Variants in TPTE2 observed in about 807,000 individuals in gnomAD.
The protein encoded by TPTE2 is transmembrane phosphoinositide 3-phosphatase and tensin homolog 2.
A neutral mutation model predicts 78.6 loss-of-function variants in TPTE2; 53 were observed. The observed-to-expected ratio is 0.67, with a 90% confidence interval of 0.54 to 0.85. The LOEUF (loss-of-function observed/expected upper bound fraction) is 0.85, where lower values mean the gene tolerates loss of function less well. Among genes scored for constraint, TPTE2 ranks in the 40% least tolerant of loss-of-function variants. The pLI, the probability that TPTE2 is intolerant of heterozygous loss-of-function variation, is 0.00. For synonymous variants in TPTE2, 175 were observed against 206.2 expected (o/e 0.85, Z 1.30); for missense variants, 461 against 623.0 (o/e 0.74, Z 2.77).
Position 19,493,317 on chromosome 13 carries a change from GTGGA to G in TPTE2, c.65+127_65+130del, listed in dbSNP as rs71092368. 6,230 of 656,980 alleles carry G rather than the reference GTGGA, an allele frequency of 9.5e-3. 58 individuals carry two copies. Among genetic ancestry groups the G allele is most frequent in the African/African-American group, 0.017 (952 of 56,516 alleles). The allele number at this position is 656,980 out of a possible 1,614,324, so 40.7% of individuals were successfully genotyped here. ...TTGTGTACGCGTGTTGAAGAGAAGT[GTGGA>G]TGGATGGATGGATGGATGGATGGAT... is the stretch of plus-strand genomic sequence containing the variant. On this transcript the variant is annotated intron_variant, in intron 2 of 19. Coordinates refer to ENST00000400230, the Ensembl canonical transcript of TPTE2.
intron 1 of TPTE2, among the ~76,000 whole-genome samples, chr13:19,499,369 C>A (rs995007800): frequency 6.6e-6 from 1 of 151,896 alleles, no homozygotes; most frequent in African/African-American, 2.4e-5. Flanking sequence ...CCACACCACA[C>A]CTATTCCAAA....
At chr13:19,533,149 G>A (rs1415502806) in intron 1 of TPTE2, among the ~76,000 whole-genome samples, 2 of 152,168 alleles carry the variant, frequency 1.3e-5, no homozygotes, top group East Asian at 1.9e-4. Context: ...CTTTTATTCA[G>A]TTCTCTGGAA....
Position 19,473,956 on chromosome 13 carries a change from A to C in TPTE2, c.350T>G (p.Leu117Ter). The change falls in exon 6 of 20, where the codon TTA becomes TGA. Residue 117 changes from leucine to a stop codon, truncating the protein, a stop_gained. Transcript: ENST00000400230. LOFTEE classifies it high-confidence loss of function. ...AAGAAGAACATCCATGAGAAAAAAT[A>C]AGCCAATAGCTAGAGAAATAGAACG... The C allele has an allele frequency of 6.2e-7, 1 of 1,606,050 alleles. No homozygotes were observed. The highest frequency in any genetic ancestry group is 8.5e-7 in the Non-Finnish European group (1 of 1,177,856).
At chr13:19,465,656 CAATTTTCCCTCCTCTCCCCAAT>C in intron 7 of TPTE2, 92 bp from the exon 11 acceptor site, 1 of 1,092,248 alleles carries the variant, frequency 9.2e-7, no homozygotes, top group Non-Finnish European at 1.3e-6. Context: ...TAACCAGAGG[CAATTTTCCCTCCTCTCCCCAAT>C]TACCTACCTG....
chr13:19,537,321 C>T (rs1018726493), upstream of TPTE2, among the ~76,000 whole-genome samples: 1 of 150,980 alleles, frequency 6.6e-6, no homozygotes, highest in Non-Finnish European at 1.5e-5. Flanking sequence ...GCAACCTCCA[C>T]TTGCCAGGTT....
chr13:19,552,004 G>A, the TPTE2 span, among the ~76,000 whole-genome samples: 19 of 152,104 alleles, frequency 1.2e-4, no homozygotes, highest in African/African-American at 4.3e-4. Context: ...TTTGATTTAG[G>A]AAGAGATAAC....
intron 13 of TPTE2, among the ~76,000 whole-genome samples, chr13:19,444,816 T>A (rs1877724714): frequency 6.6e-6 from 1 of 152,154 alleles, no homozygotes; most frequent in Non-Finnish European, 1.5e-5. Context: ...GGCACACAGA[T>A]GAAAAATCAA....
intron 1 of TPTE2, among the ~76,000 whole-genome samples, chr13:19,500,401 A>G (rs1167180989): frequency 1.3e-5 from 2 of 152,134 alleles, no homozygotes; most frequent in Non-Finnish European, 2.9e-5. Flanking sequence ...AAAATCCTCA[A>G]TACAATACTG....
At chr13:19,456,174 G>C (rs1878525603) in intron 10 of TPTE2, among the ~76,000 whole-genome samples, 1 of 152,180 alleles carries the variant, frequency 6.6e-6, no homozygotes, top group Non-Finnish European at 1.5e-5. Context: ...AAGGATGCTA[G>C]ATGTAAAGTC....
At chr13:19,424,828 A>G in intron 19 of TPTE2, 119 bp downstream of exon 22, 2 of 663,044 alleles carry the variant, frequency 3.0e-6, no homozygotes, top group Non-Finnish European at 5.1e-6. Flanking sequence ...ATGGTGGCTC[A>G]GGGATTTTTT....
At chr13:19,488,730 A>T (rs1221616564) in intron 3 of TPTE2, among the ~76,000 whole-genome samples, 1 of 152,226 alleles carries the variant, frequency 6.6e-6, no homozygotes, top group African/African-American at 2.4e-5. Context: ...TATCCAGACC[A>T]CTAAAACATT....
chr13:19,503,073 T>A (rs1868728896), intron 1 of TPTE2, 151 bp downstream of exon 4: 3 of 1,077,382 alleles, frequency 2.8e-6, no homozygotes, highest in Admixed American at 4.1e-5. Flanking sequence ...TTCCACTGTG[T>A]GCATGGGTTA....
intron 3 of TPTE2, among the ~76,000 whole-genome samples, chr13:19,482,910 T>C (rs578016318): frequency 8.5e-5 from 13 of 152,140 alleles, no homozygotes; most frequent in Non-Finnish European, 1.5e-4. Context: ...TCCAGACCAC[T>C]GCAATAAAGC....
In TPTE2 at chr13:19,516,752, C is replaced by T. The variant is rs535077064; in HGVS notation, c.-43-13475G>A. Among the ~76,000 whole-genome samples the T allele has an allele frequency of 2.0e-5, 3 of 152,232 alleles. No individual in the cohort carries two copies. In the East Asian group the frequency reaches 5.8e-4, roughly 29 times the overall value. On this transcript the variant is annotated intron_variant, in intron 1 of 17. Transcript: ENST00000390680. ...TTCACCATTAGGGCAACCAGCCGCC[C>T]CTGTAGGAAAGATTAAAGTGACCAG...
chr13:19,537,227 T>C (rs2137760964), upstream of TPTE2, among the ~76,000 whole-genome samples: 1 of 149,710 alleles, frequency 6.7e-6, no homozygotes, highest in East Asian at 1.9e-4. Flanking sequence ...GGTTGTCTTC[T>C]ACTTGATTTT....
intron 1 of TPTE2, among the ~76,000 whole-genome samples, chr13:19,523,260 T>C (rs1027657860): frequency 2.6e-5 from 4 of 152,120 alleles, no homozygotes; most frequent in African/African-American, 9.7e-5. Flanking sequence ...ATAATGAACA[T>C]AAAGTAAGAA....
chr13:19,486,317 C>T lies in TPTE2; in HGVS notation c.120-3770G>A, dbSNP rs1446689091. On this transcript the variant is annotated intron_variant, in intron 3 of 19. Coordinates refer to ENST00000400230, the Ensembl canonical transcript of TPTE2. The surrounding 1 kb of genome is among the most constrained non-coding windows in gnomAD (Gnocchi z 4.3). ...TTTGCAAGTTACTCAGTGGCCTCGGCTAAGGAAGTTTGTGGTGATGGTGGT... is the reference window on the plus strand; with the variant it reads ...TTTGCAAGTTACTCAGTGGCCTCGGTTAAGGAAGTTTGTGGTGATGGTGGT... 1.3e-5 allele frequency among the ~76,000 whole-genome samples: 2 copies of T among 152,156 alleles called. No individual in the cohort carries two copies. Among genetic ancestry groups the T allele is most frequent in the African/African-American group, 4.8e-5 (2 of 41,430 alleles).
At chr13:19,474,972 T>C (rs1879842515) in intron 5 of TPTE2, among the ~76,000 whole-genome samples, 1 of 152,196 alleles carries the variant, frequency 6.6e-6, no homozygotes, top group East Asian at 1.9e-4. Flanking sequence ...TTAATGTTAC[T>C]TTTGCAGATG....
At chr13:19,510,390 C>T (rs1013179491) in intron 1 of TPTE2, among the ~76,000 whole-genome samples, 5 of 149,800 alleles carry the variant, frequency 3.3e-5, no homozygotes, top group Non-Finnish European at 5.9e-5. Context: ...GGAACTGACA[C>T]GTGCAGAGAT....
Sources: gnomAD v4.1 joint callset for allele counts (sites outside exome capture counted in the v4.1 genomes callset) on GRCh38, gnomAD v4.1.1 for gene constraint, Gnocchi (gnomAD v3.1) non-coding constraint, MANE v1.5 for transcripts, NCBI Gene and HGNC (gene_info 2026-07-23, HGNC 2026-07-21) for gene names.